SMARCA2: variants seen among roughly 807,000 people sequenced by gnomAD.
The protein encoded by SMARCA2 is SWI/SNF-related matrix-associated actin-dependent regulator of chromatin subfamily A member 2.
In SMARCA2, 61 loss-of-function variants were observed where a neutral mutation model predicts 199.8. The ratio of observed to expected loss-of-function variants is 0.31; its 90% confidence interval spans 0.25 to 0.38. SMARCA2 has a LOEUF of 0.38. Ranked by LOEUF, SMARCA2 falls within the 10% of genes least tolerant of loss-of-function variation. SMARCA2 has a pLI of 1.00. For missense variants in SMARCA2, 1,344 were observed against 2,012.2 expected, an observed-to-expected ratio of 0.67 and a Z score of 6.35; for synonymous variants, 935 against 732.0, an observed-to-expected ratio of 1.28 and a Z score of -4.48.
intron 27 of SMARCA2, chr9:2,159,769 A>G (rs772821032): frequency 1.4e-4 from 216 of 1,569,466 alleles, no homozygotes; most frequent in Non-Finnish European, 1.8e-4. Context: ...TTACTTGTAT[A>G]TGAAAACACA....
At chr9:2,155,213 T>C (rs183183782) in intron 27 of SMARCA2, among the ~76,000 whole-genome samples, 5 of 152,354 alleles carry the variant, frequency 3.3e-5, no homozygotes, top group East Asian at 3.9e-4. Context: ...TGTTTAATAC[T>C]GCTTAAAAGG....
At chr9:2,191,451 C>T (rs1478412745) in intron 33 of SMARCA2, 43 bp downstream of exon 33, 3 of 1,606,854 alleles carry the variant, frequency 1.9e-6, no homozygotes, top group Non-Finnish European at 2.6e-6. Context: ...ACGCCCTCTC[C>T]CCTGCTTGCT....
At chr9:2,061,560 G>A (rs1478508212) in intron 9 of SMARCA2, among the ~76,000 whole-genome samples, 1 of 152,130 alleles carries the variant, frequency 6.6e-6, no homozygotes, top group African/African-American at 2.4e-5. Context: ...GAAATGAAGG[G>A]TAAGATTTAG....
chr9:2,058,259 G>C, intron 7 of SMARCA2, 32 bp from the exon 8 acceptor site: 1 of 1,597,368 alleles, frequency 6.3e-7, no homozygotes, highest in Non-Finnish European at 8.6e-7. Context: ...TGGATTTTAA[G>C]TATCCTTTTC....
At chr9:2,138,074 T>C (rs1023784149) in intron 27 of SMARCA2, among the ~76,000 whole-genome samples, 2 of 152,172 alleles carry the variant, frequency 1.3e-5, no homozygotes, top group African/African-American at 4.8e-5. Flanking sequence ...CATTAAAAAG[T>C]ACAAGCATTG....
At chr9:2,166,455 T>C (rs945296402) in intron 28 of SMARCA2, among the ~76,000 whole-genome samples, 1 of 152,170 alleles carries the variant, frequency 6.6e-6, no homozygotes, top group Non-Finnish European at 1.5e-5. Flanking sequence ...ACTGCTCTGA[T>C]TTCACATGAA....
rs1266466404 is a variant in SMARCA2, at chr9:2,192,822, A to AGGC, written c.*84_*86dup. On this transcript the variant is annotated 3_prime_UTR_variant, in exon 34 of 34. Coordinates refer to ENST00000349721, the MANE Select transcript of SMARCA2 (RefSeq NM_003070.5). ...TACCCAGTGAGTTCATTTGTCATAT[A>AGGC]GGCACTGGGTTGTTTCTATATCATC... is the stretch of plus-strand genomic sequence containing the variant. The AGGC allele has an allele frequency of 5.1e-6, 5 of 985,378 alleles. No individual in the cohort carries two copies. In the African/African-American group the frequency reaches 8.0e-5, roughly 16 times the overall value. 61.0% of individuals were successfully genotyped at this position (985,378 alleles called of 1,614,324 possible). A position where few individuals can be genotyped will look rare whatever the true frequency, so the allele number is the denominator to read the frequency against.
At chr9:2,175,241 A>G (rs564413930) in intron 29 of SMARCA2, among the ~76,000 whole-genome samples, 1 of 152,156 alleles carries the variant, frequency 6.6e-6, no homozygotes, top group African/African-American at 2.4e-5. Context: ...CTAAGACAGT[A>G]TTTCCGAAAG....
At position 2,036,050 on chromosome 9, in the gene SMARCA2, T is replaced by C. The variant is rs147638995; in HGVS notation, c.355+2969T>C. Among the ~76,000 whole-genome samples the C allele has an allele frequency of 4.9e-3, 753 of 152,318 alleles. 1 individual carries two copies. The highest frequency in any genetic ancestry group is 0.017 in the African/African-American group (719 of 41,562). The stretch of plus-strand genomic sequence containing the variant: ...CAACCTATTAGGTTATTTTAGGGTA[T>C]TGGTCAAGAAGGAAAGCCATTTCCT... On this transcript the variant is annotated intron_variant, in intron 3 of 33. Transcript: ENST00000349721.
At chr9:2,124,126 A>T (rs1374900085) in intron 27 of SMARCA2, among the ~76,000 whole-genome samples, 189 bp downstream of exon 27, 1 of 152,202 alleles carries the variant, frequency 6.6e-6, no homozygotes, top group Non-Finnish European at 1.5e-5. Flanking sequence ...ATGAAAAGAT[A>T]AAGGCGTTCT....
At chr9:2,182,269 T>G (rs867164251) in intron 31 of SMARCA2, 27 bp downstream of exon 31, 2 of 1,369,474 alleles carry the variant, frequency 1.5e-6, no homozygotes, top group Middle Eastern at 1.8e-4. Context: ...TGTCTAAAAG[T>G]TCTTAACTGT....
rs1294796637 is a variant in SMARCA2 at position 2,097,438 on chromosome 9, C to A, written c.3045C>A (p.Ile1015=). ...ACACTATTATGCAGTTGAGAAAAATCTGCAACCACCCATATATGTTTCAGC... is the reference window on the plus strand; with the variant it reads ...ACACTATTATGCAGTTGAGAAAAATATGCAACCACCCATATATGTTTCAGC... ...LMNTIMQLRK[I]CNHPYMFQHI... is the part of the protein sequence containing the mutation. The change falls in exon 21 of 34, where the codon ATC becomes ATA. Residue 1015 remains isoleucine (I), a synonymous_variant. Coordinates refer to ENST00000349721, the MANE Select transcript of SMARCA2 (RefSeq NM_003070.5). 2.5e-6 allele frequency: 4 copies of A among 1,611,884 alleles called. No individual in the cohort carries two copies. Among genetic ancestry groups the A allele is most frequent in the Non-Finnish European group, 3.4e-6 (4 of 1,178,384 alleles).
chr9:2,076,502 GTGT>G (rs985434806), intron 13 of SMARCA2, among the ~76,000 whole-genome samples, 173 bp downstream of exon 13: 2 of 151,714 alleles, frequency 1.3e-5, no homozygotes, highest in African/African-American at 4.8e-5. Flanking sequence ...TCGGGGTTTC[GTGT>G]TGATTCTCCA....
At chr9:2,092,686 C>T (rs1822109853) in intron 19 of SMARCA2, among the ~76,000 whole-genome samples, 1 of 152,186 alleles carries the variant, frequency 6.6e-6, no homozygotes, top group Admixed American at 6.5e-5. Flanking sequence ...CATTTACTAA[C>T]ATAAGAATGC....
chr9:2,159,076 G>A, intron 27 of SMARCA2: 3 of 1,456,352 alleles, frequency 2.1e-6, no homozygotes, highest in Non-Finnish European at 2.8e-6. Context: ...CAGTTGTTCT[G>A]TTTGCAATTT....
In SMARCA2 at chr9:2,099,558, G is replaced by T. The variant is rs3793493; in HGVS notation, c.3079-2012G>T. On this transcript the variant is annotated intron_variant, in intron 21 of 33. Transcript: ENST00000349721. The stretch of plus-strand genomic sequence containing the variant: ...TCATGAAGGAAGCGAAGTTGAAGGT[G>T]CATGCCCTTCAGTACCTACATATTG... Among the ~76,000 whole-genome samples the T allele has an allele frequency of 1.1e-4, 17 of 152,242 alleles. No individual in the cohort carries two copies. In the East Asian group the frequency reaches 3.3e-3, roughly 29 times the overall value.
rs540870809 is a variant in SMARCA2, at chr9:2,168,942, C to T, written c.4200-1477C>T. ...GTTAGTTACAATCTACTCTGTAAAG[C>T]GTTCTAAGGTAGCACTTGTTGTTTT... On this transcript the variant is annotated intron_variant, in intron 28 of 33. Coordinates refer to ENST00000349721, the MANE Select transcript of SMARCA2 (RefSeq NM_003070.5). Among the ~76,000 whole-genome samples, 141 of 152,268 alleles carry T rather than the reference C, an allele frequency of 9.3e-4. No homozygotes were observed. In the Middle Eastern group the frequency reaches 0.017, roughly 18 times the overall value.
chr9:2,111,508 AAAG>A (rs1164564462), intron 24 of SMARCA2, among the ~76,000 whole-genome samples: 1 of 151,120 alleles, frequency 6.6e-6, no homozygotes, highest in Non-Finnish European at 1.5e-5. Flanking sequence ...AAAAAAAAAA[AAAG>A]AAAAGCAAAA....
chr9:2,138,679 C>T (rs1192601919), intron 27 of SMARCA2, among the ~76,000 whole-genome samples: 1 of 152,184 alleles, frequency 6.6e-6, no homozygotes, highest in Non-Finnish European at 1.5e-5. Context: ...TGCTCTGCAA[C>T]ATCTTGGATA....
Sources: allele counts gnomAD v4.1 joint callset (sites outside exome capture counted in the v4.1 genomes callset), GRCh38; gene constraint gnomAD v4.1.1; transcripts MANE v1.5; gene names NCBI Gene and HGNC (gene_info 2026-07-23, HGNC 2026-07-21).